LINC00305: variants seen among roughly 807,000 people sequenced by gnomAD.
The protein encoded by LINC00305 is long intergenic non-protein coding RNA 305.
chr18:64,145,773 C>T (rs1319017007), intron 1 of LINC00305, among the ~76,000 whole-genome samples: 1 of 152,128 alleles, frequency 6.6e-6, no homozygotes, highest in Non-Finnish European at 1.5e-5. Flanking sequence ...TGGTAACTTA[C>T]AGCATTGGAA....
chr18:64,109,340 A>C (rs1429137882), intron 1 of LINC00305, among the ~76,000 whole-genome samples: 1 of 152,172 alleles, frequency 6.6e-6, no homozygotes. Flanking sequence ...GAAAGGTTGG[A>C]GAAATTAAGT....
At chr18:64,125,373 C>T (rs1232661505) in intron 1 of LINC00305, among the ~76,000 whole-genome samples, 1 of 151,880 alleles carries the variant, frequency 6.6e-6, no homozygotes, top group Admixed American at 6.6e-5. Context: ...AGTTCCAAGT[C>T]TCTAAAATAG....
At chr18:64,085,388 C>T (rs1326724524) in intron 3 of LINC00305, among the ~76,000 whole-genome samples, 2 of 152,136 alleles carry the variant, frequency 1.3e-5, no homozygotes, top group Non-Finnish European at 2.9e-5. Context: ...GTTAATGTCC[C>T]ACTTCCCTTT....
At chr18:64,126,466 C>T (rs1030819567) in intron 1 of LINC00305, among the ~76,000 whole-genome samples, 5 of 151,970 alleles carry the variant, frequency 3.3e-5, no homozygotes, top group Admixed American at 1.3e-4. Flanking sequence ...CATTATTAGG[C>T]CCCTTCTCGG....
intron 3 of LINC00305, among the ~76,000 whole-genome samples, chr18:64,097,175 A>C (rs1175442651): frequency 2.6e-5 from 4 of 152,210 alleles, no homozygotes. Flanking sequence ...TTATTTAAGA[A>C]AGTTGTAATA....
At chr18:64,129,451 G>C (rs562880863) in intron 1 of LINC00305, among the ~76,000 whole-genome samples, 1 of 152,162 alleles carries the variant, frequency 6.6e-6, no homozygotes, top group East Asian at 1.9e-4. Flanking sequence ...AAGGGCCTTG[G>C]GTACCAAGAG....
intron 1 of LINC00305, among the ~76,000 whole-genome samples, chr18:64,100,461 A>G (rs556035131): frequency 4.7e-4 from 72 of 152,202 alleles, no homozygotes; most frequent in African/African-American, 1.7e-3. Flanking sequence ...TCCCAGTACA[A>G]CTCGAAGCAG....
At chr18:64,101,960 A>G (rs921742777) in intron 1 of LINC00305, among the ~76,000 whole-genome samples, 1 of 152,160 alleles carries the variant, frequency 6.6e-6, no homozygotes, top group Non-Finnish European at 1.5e-5. Context: ...ATATTTTTAT[A>G]GTGCAAAATA....
At chr18:64,142,773 C>G (rs1321821096) in intron 1 of LINC00305, among the ~76,000 whole-genome samples, 2 of 152,078 alleles carry the variant, frequency 1.3e-5, no homozygotes, top group Middle Eastern at 3.2e-3. Context: ...CCCCAGGAAC[C>G]TTCTCCATGT....
At chr18:64,115,922 C>G (rs1599219048) in intron 1 of LINC00305, among the ~76,000 whole-genome samples, 1 of 152,050 alleles carries the variant, frequency 6.6e-6, no homozygotes, top group African/African-American at 2.4e-5. Flanking sequence ...AGGATAGGAG[C>G]CTAACATTTT....
At chr18:64,139,137 A>G (rs1009364952) in intron 1 of LINC00305, among the ~76,000 whole-genome samples, 3 of 152,236 alleles carry the variant, frequency 2.0e-5, no homozygotes, top group African/African-American at 7.2e-5. Flanking sequence ...TGAAATTCCA[A>G]ATCAAGTCTG....
intron 1 of LINC00305, among the ~76,000 whole-genome samples, chr18:64,139,766 G>A (rs905818203): frequency 2.0e-5 from 3 of 152,018 alleles, no homozygotes; most frequent in African/African-American, 7.2e-5. Flanking sequence ...GGAAGCGGTC[G>A]CAGGTCTAGA....
chr18:64,123,333 A>T (rs1047334543), intron 1 of LINC00305, among the ~76,000 whole-genome samples: 4 of 152,068 alleles, frequency 2.6e-5, no homozygotes, highest in African/African-American at 7.2e-5. Flanking sequence ...CTCTACTTCC[A>T]CTAGCTCCTT....
intron 1 of LINC00305, among the ~76,000 whole-genome samples, chr18:64,120,474 A>G (rs1199294115): frequency 6.6e-6 from 1 of 151,730 alleles, no homozygotes; most frequent in Admixed American, 6.6e-5. Flanking sequence ...TTTTAGTTTT[A>G]TAGCGTTTAG....
intron 3 of LINC00305, among the ~76,000 whole-genome samples, chr18:64,093,960 A>C (rs1406739519): frequency 6.6e-6 from 1 of 152,252 alleles, no homozygotes; most frequent in Non-Finnish European, 1.5e-5. Flanking sequence ...TGAGAAATAG[A>C]AAAGTACCAT....
intron 1 of LINC00305, among the ~76,000 whole-genome samples, chr18:64,102,892 C>A (rs1045356116): frequency 6.6e-6 from 1 of 152,170 alleles, no homozygotes; most frequent in South Asian, 2.1e-4. Context: ...CAGTCACCTC[C>A]CATTAGGCCC....
chr18:64,121,262 G>A (rs7231130), intron 1 of LINC00305, among the ~76,000 whole-genome samples: 10,304 of 151,898 alleles, frequency 0.068, 521 homozygotes, highest in Non-Finnish European at 0.11. Flanking sequence ...AGCTTGGGTG[G>A]TGGTGAAGTC....
intron 3 of LINC00305, among the ~76,000 whole-genome samples, chr18:64,082,131 A>ATTT (rs2051187372): frequency 6.6e-6 from 1 of 152,216 alleles, no homozygotes; most frequent in Non-Finnish European, 1.5e-5. Flanking sequence ...ATACAGCCAA[A>ATTT]GGTCTCAAGA....
At chr18:64,117,292 C>T (rs1345073023) in intron 1 of LINC00305, among the ~76,000 whole-genome samples, 1 of 152,154 alleles carries the variant, frequency 6.6e-6, no homozygotes, top group Non-Finnish European at 1.5e-5. Flanking sequence ...TAAGTGACCC[C>T]ACCATGATAG....
Sources: gnomAD v4.1 joint callset for allele counts (sites outside exome capture counted in the v4.1 genomes callset) on GRCh38, gnomAD v4.1.1 for gene constraint, MANE v1.5 for transcripts, NCBI Gene and HGNC (gene_info 2026-07-23, HGNC 2026-07-21) for gene names.